Variants in EPS15L1 observed in about 807,000 individuals in gnomAD.
EPS15L1 encodes the protein epidermal growth factor receptor substrate 15-like 1.
A neutral mutation model predicts 117.1 loss-of-function variants in EPS15L1; 43 were observed. The observed-to-expected ratio is 0.37, with a 90% CI of 0.29 to 0.47. The LOEUF (loss-of-function observed/expected upper bound fraction) is 0.47. EPS15L1 is among the 20% of genes least tolerant of loss of function. The pLI is 0.99. For synonymous variants in EPS15L1, 459 were observed against 470.5 expected (o/e 0.98, Z 0.32); for missense variants, 981 against 1,164.0 (o/e 0.84, Z 2.29).
chr19:16,372,674 C>T (rs758606485), intron 22 of EPS15L1, among the ~76,000 whole-genome samples: 9 of 152,222 alleles, frequency 5.9e-5, no homozygotes, highest in African/African-American at 1.4e-4. Context: ...GCCTGCGTCC[C>T]GGTCCCTGTG....
At position 16,385,199 on chromosome 19, in the gene EPS15L1, G is replaced by T. The variant is rs1157931461; in HGVS notation, c.2177C>A (p.Thr726Asn). The change falls in exon 21 of 24, where the codon ACC (threonine) becomes AAC (asparagine). Residue 726 changes from threonine (T) to asparagine (N), a missense_variant. Thr to Asn is a moderately conservative substitution (Grantham distance 65). Coordinates refer to ENST00000455140, the MANE Select transcript of EPS15L1 (RefSeq NM_001258374.3). The part of the protein sequence containing the change: ...VSSKGSDPFG[T>N]LDPFGSGSFN... ...GGACCCACTTCCGAAGGGATCTAAG[G>T]TTCCAAAGGGATCTGCAATCGGCAC... 6 of 1,614,092 alleles carry T rather than the reference G, an allele frequency of 3.7e-6. No homozygotes were observed. In the South Asian group the frequency reaches 6.6e-5, roughly 18 times the overall value.
chr19:16,374,651 G>A (rs113466625), intron 22 of EPS15L1, among the ~76,000 whole-genome samples: 7 of 152,208 alleles, frequency 4.6e-5, no homozygotes, highest in African/African-American at 1.7e-4. Context: ...AGGTACGTGG[G>A]GAGGCGGGGG....
At position 16,355,786 on chromosome 19, in the gene EPS15L1, C is replaced by T; in HGVS notation, c.2652G>A (p.Arg884=). 1 of 1,536,142 alleles carries T rather than the reference C, an allele frequency of 6.5e-7. No homozygotes were observed. Among genetic ancestry groups the T allele is most frequent in the South Asian group, 1.2e-5 (1 of 84,062 alleles). ...KRESEKAEQE[R]LARLRRQEQE... is the part of the protein sequence containing the mutation. The stretch of plus-strand genomic sequence containing the variant: ...GCTCCTGCCGCCGCAGCCGCGCCAG[C>T]CTCTCCTGTTCCGCCTTCTCGCTCT... The change falls in exon 24 of 24, where the codon AGG becomes AGA. Residue 884 remains arginine (R), a synonymous_variant. Transcript: ENST00000455140.
intron 13 of EPS15L1, chr19:16,413,317 CTG>C (rs2092725524): frequency 1.5e-6 from 1 of 676,100 alleles, no homozygotes; most frequent in African/African-American, 1.8e-5. Context: ...GTCTCAGCAC[CTG>C]TGTCCAAGAA....
intron 22 of EPS15L1, among the ~76,000 whole-genome samples, chr19:16,367,162 G>T (rs1203412683): frequency 6.6e-6 from 1 of 151,568 alleles, no homozygotes; most frequent in Non-Finnish European, 1.5e-5. Flanking sequence ...ATCTGGGAAT[G>T]ATGGCATCAA....
chr19:16,465,566 T>C (rs1304335063), intron 1 of EPS15L1, among the ~76,000 whole-genome samples: 1 of 152,056 alleles, frequency 6.6e-6, no homozygotes, highest in Non-Finnish European at 1.5e-5. Flanking sequence ...GCCTGTAGTC[T>C]CAGTTCCTTG....
At chr19:16,392,858 A>G (rs893930161) in intron 18 of EPS15L1, among the ~76,000 whole-genome samples, 1 of 152,076 alleles carries the variant, frequency 6.6e-6, no homozygotes, top group African/African-American at 2.4e-5. Context: ...GTTCAAGACC[A>G]GCATGGGCAA....
chr19:16,369,884 T>C lies in EPS15L1; in HGVS notation c.2380+7238A>G, dbSNP rs147397479. 6.4e-3 allele frequency among the ~76,000 whole-genome samples: 978 copies of C among 152,332 alleles called. 8 individuals carry two copies. Among genetic ancestry groups the C allele is most frequent in the African/African-American group, 0.022 (907 of 41,568 alleles). On this transcript the variant is annotated intron_variant, in intron 22 of 23. Coordinates refer to ENST00000455140, the MANE Select transcript of EPS15L1 (RefSeq NM_001258374.3). The stretch of plus-strand genomic sequence containing the variant: ...ACACCCCTGGGTGTCAGCCCCATCC[T>C]CTGGGGGGATTTCCAGGGAGAGATG...
intron 16 of EPS15L1, among the ~76,000 whole-genome samples, chr19:16,400,331 C>T (rs10403387): frequency 1.4e-5 from 2 of 140,982 alleles, no homozygotes; most frequent in Admixed American, 8.0e-5. Flanking sequence ...AGCGAGACTC[C>T]GTCTCAAAAA....
intron 1 of EPS15L1, among the ~76,000 whole-genome samples, chr19:16,469,576 G>T (rs1032990687): frequency 6.6e-6 from 1 of 152,086 alleles, no homozygotes. Context: ...TCGAATTTAC[G>T]TTGATATTCA....
At chr19:16,396,290 C>T (rs192020686) in intron 16 of EPS15L1, among the ~76,000 whole-genome samples, 1 of 152,320 alleles carries the variant, frequency 6.6e-6, no homozygotes, top group East Asian at 1.9e-4. Context: ...GAAACAGGGT[C>T]TCACTCTGTT....
intron 1 of EPS15L1, among the ~76,000 whole-genome samples, chr19:16,444,059 GTC>G (rs2093058692): frequency 9.4e-6 from 1 of 106,388 alleles, no homozygotes; most frequent in African/African-American, 3.8e-5. Flanking sequence ...GCGAGACTCC[GTC>G]TCAAAAAAAA....
chr19:16,413,390 C>A lies in EPS15L1; in HGVS notation c.1266+383G>T, dbSNP rs2144894652. 5.7e-6 allele frequency: 4 copies of A among 702,332 alleles called. No individual in the cohort carries two copies. In the East Asian group the frequency reaches 7.5e-5, roughly 13 times the overall value. 43.5% of individuals were successfully genotyped at this position (702,332 alleles called of 1,614,324 possible). A position where few individuals can be genotyped will look rare whatever the true frequency, so the allele number is the denominator to read the frequency against. Reference sequence around the variant, plus strand: ...CCTCAGCCAGGGGCTGCACTGCCATCCTGGGCAACTTCGACAAGGCCACCT... The same window carrying A: ...CCTCAGCCAGGGGCTGCACTGCCATACTGGGCAACTTCGACAAGGCCACCT... On this transcript the variant is annotated intron_variant, in intron 13 of 23. Coordinates refer to ENST00000455140, the MANE Select transcript of EPS15L1 (RefSeq NM_001258374.3).
At chr19:16,396,408 C>T (rs1007572258) in intron 16 of EPS15L1, among the ~76,000 whole-genome samples, 1 of 152,058 alleles carries the variant, frequency 6.6e-6, no homozygotes, top group African/African-American at 2.4e-5. Flanking sequence ...ACTATAGGCG[C>T]GCACCACCAA....
At chr19:16,462,424 G>A (rs2093261909) in intron 1 of EPS15L1, among the ~76,000 whole-genome samples, 1 of 152,162 alleles carries the variant, frequency 6.6e-6, no homozygotes, top group Non-Finnish European at 1.5e-5. Flanking sequence ...ACTTTGGGGG[G>A]CCAAGGTGGG....
chr19:16,359,072 C>T (rs893093326), intron 23 of EPS15L1, among the ~76,000 whole-genome samples: 5 of 152,192 alleles, frequency 3.3e-5, no homozygotes, highest in Admixed American at 1.3e-4. Context: ...CGGGGCACCA[C>T]CTCCACAAGT....
At chr19:16,409,239 T>A (rs1481307032) in intron 13 of EPS15L1, among the ~76,000 whole-genome samples, 1 of 152,016 alleles carries the variant, frequency 6.6e-6, no homozygotes, top group African/African-American at 2.4e-5. Flanking sequence ...TAAAAACAAA[T>A]TTTTTAAAGT....
intron 10 of EPS15L1, among the ~76,000 whole-genome samples, chr19:16,420,596 A>AT (rs1361336552): frequency 6.6e-6 from 1 of 152,224 alleles, no homozygotes; most frequent in Non-Finnish European, 1.5e-5. Flanking sequence ...ACTAAGTAAC[A>AT]TCCTGAATTT....
rs2092487558 is a variant in EPS15L1 at position 16,392,455 on chromosome 19, GC to G, written c.1967-16del. The G allele has an allele frequency of 3.1e-6, 5 of 1,612,740 alleles. No individual in the cohort carries two copies. The highest frequency in any genetic ancestry group is 1.3e-5 in the African/African-American group (1 of 74,862). On this transcript the variant is annotated splice_polypyrimidine_tract_variant and intron_variant, in intron 18 of 23. Coordinates refer to ENST00000455140, the MANE Select transcript of EPS15L1 (RefSeq NM_001258374.3). ...TCCAAATGGATCTAGAAGGAAAAATGCCCCATAAGTAAACATTATACCAAGT... is the reference window on the plus strand; with the variant it reads ...TCCAAATGGATCTAGAAGGAAAAATGCCCATAAGTAAACATTATACCAAGT...
Sources: gnomAD v4.1 joint callset for allele counts (sites outside exome capture counted in the v4.1 genomes callset) on GRCh38, gnomAD v4.1.1 for gene constraint, MANE v1.5 for transcripts, NCBI Gene and HGNC (gene_info 2026-07-23, HGNC 2026-07-21) for gene names.